Variants in GPC6 observed in about 807,000 individuals in gnomAD.
GPC6 encodes the protein glypican 6.
GPC6 carries 14 observed loss-of-function variants against 55.2 expected under a neutral mutation model. The observed-to-expected ratio is 0.25, with a 90% CI of 0.17 to 0.40. The LOEUF is 0.40. Ranked by LOEUF, GPC6 falls within the 10% of genes least tolerant of loss-of-function variation. The pLI, the probability that GPC6 is intolerant of heterozygous loss-of-function variation, is 1.00. For missense variants in GPC6, 641 were observed against 708.5 expected, an observed-to-expected ratio of 0.90 and a Z score of 1.08; for synonymous variants, 278 against 259.6, an observed-to-expected ratio of 1.07 and a Z score of -0.68.
intron 4 of GPC6, among the ~76,000 whole-genome samples, chr13:94,110,317 G>A (rs892772535): frequency 6.6e-6 from 1 of 152,074 alleles, no homozygotes; most frequent in Non-Finnish European, 1.5e-5. Context: ...GGAGAGGCAT[G>A]TAGAATTATG....
intron 2 of GPC6, among the ~76,000 whole-genome samples, chr13:93,554,183 A>T (rs1176359412): frequency 2.0e-5 from 3 of 151,910 alleles, no homozygotes; most frequent in Non-Finnish European, 4.4e-5. Context: ...TGACTTGAAC[A>T]TACACAGGAC....
chr13:93,467,514 G>T (rs1232983385), intron 1 of GPC6, among the ~76,000 whole-genome samples: 1 of 150,724 alleles, frequency 6.6e-6, no homozygotes, highest in Admixed American at 6.6e-5. Flanking sequence ...GAACAGTGTG[G>T]ATTGCTCCTG....
chr13:94,227,298 C>T (rs1377999066), intron 4 of GPC6, among the ~76,000 whole-genome samples: 4 of 152,114 alleles, frequency 2.6e-5, no homozygotes, highest in Admixed American at 6.5e-5. Flanking sequence ...AAAAGAAGAG[C>T]GTTAGTGTCT....
At chr13:94,087,915 G>A (rs552941585) in intron 4 of GPC6, among the ~76,000 whole-genome samples, 1 of 152,270 alleles carries the variant, frequency 6.6e-6, no homozygotes, top group Admixed American at 6.5e-5. Context: ...ATTTCTTTGT[G>A]GACATGGGTA....
Position 94,403,531 on chromosome 13 carries a change from C to T in GPC6, c.*314C>T, listed in dbSNP as rs948049505. 8 of 316,272 alleles carry T rather than the reference C, an allele frequency of 2.5e-5. No homozygotes were observed. The highest frequency in any genetic ancestry group is 1.7e-5 in the Non-Finnish European group (3 of 171,604). 19.6% of individuals were successfully genotyped at this position (316,272 alleles called of 1,614,324 possible). A position where few individuals can be genotyped will look rare whatever the true frequency, so the allele number is the denominator to read the frequency against. ...ATGCTGCAGAAGTAAAGGAATCTCA[C>T]GTTGTGAGGGTTTTTTTTTTCTCAT... On this transcript the variant is annotated 3_prime_UTR_variant, in exon 9 of 9. Coordinates refer to ENST00000377047, the MANE Select transcript of GPC6 (RefSeq NM_005708.5).
intron 2 of GPC6, among the ~76,000 whole-genome samples, chr13:93,676,119 A>T (rs1881588778): frequency 6.8e-5 from 1 of 14,622 alleles, no homozygotes; most frequent in African/African-American, 1.6e-4. Flanking sequence ...AAAAAAAAAA[A>T]AAAAAAAATA....
chr13:93,876,414 T>G (rs888366201), intron 3 of GPC6, among the ~76,000 whole-genome samples: 3 of 152,026 alleles, frequency 2.0e-5, no homozygotes, highest in Non-Finnish European at 4.4e-5. Flanking sequence ...CTAAATAAAC[T>G]AACATTTGAA....
intron 3 of GPC6, among the ~76,000 whole-genome samples, chr13:93,991,221 G>C (rs1881290261): frequency 6.6e-6 from 1 of 152,054 alleles, no homozygotes; most frequent in Non-Finnish European, 1.5e-5. Flanking sequence ...ATCATATGAT[G>C]AAATTATTAG....
chr13:93,310,147 G>T (rs748525913), intron 1 of GPC6, among the ~76,000 whole-genome samples: 1 of 152,144 alleles, frequency 6.6e-6, no homozygotes, highest in South Asian at 2.1e-4. Context: ...AGTCTTTCTT[G>T]TAAATGGTGA....
intron 1 of GPC6, among the ~76,000 whole-genome samples, chr13:93,442,313 T>C (rs1877835601): frequency 6.6e-6 from 1 of 152,066 alleles, no homozygotes; most frequent in African/African-American, 2.4e-5. Flanking sequence ...ACCAGTGAAA[T>C]TGCTACTGCA....
chr13:93,426,225 T>C, intron 1 of GPC6, among the ~76,000 whole-genome samples: 1 of 151,902 alleles, frequency 6.6e-6, no homozygotes, highest in East Asian at 1.9e-4. Flanking sequence ...TAAAAGTGTT[T>C]TTATTTTATT....
Position 93,947,377 on chromosome 13 carries a change from G to GA in GPC6, c.712-80344dup, listed in dbSNP as rs200611953. On this transcript the variant is annotated intron_variant, in intron 3 of 8. Transcript: ENST00000377047. Reference sequence around the variant, plus strand: ...CTGAAGTAGGACAAACCATCCATCGGAAAAAAAAGAGATGAATGGTAATAT... The same window carrying GA: ...CTGAAGTAGGACAAACCATCCATCGGAAAAAAAAAGAGATGAATGGTAATAT... Among the ~76,000 whole-genome samples the GA allele has an allele frequency of 7.2e-3, 1,092 of 151,168 alleles. 15 individuals are homozygous for GA. The highest frequency in any genetic ancestry group is 0.025 in the African/African-American group (1,037 of 41,228).
chr13:93,397,346 T>C (rs1875897320), intron 1 of GPC6, among the ~76,000 whole-genome samples: 1 of 152,176 alleles, frequency 6.6e-6, no homozygotes, highest in Non-Finnish European at 1.5e-5. Flanking sequence ...TATAGCCATC[T>C]AATAAGTGTA....
intron 3 of GPC6, among the ~76,000 whole-genome samples, chr13:93,859,557 A>G (rs1888740711): frequency 6.6e-6 from 1 of 151,706 alleles, no homozygotes; most frequent in Non-Finnish European, 1.5e-5. Flanking sequence ...CTCTTGTAGT[A>G]GTTCTATCTT....
intron 2 of GPC6, among the ~76,000 whole-genome samples, chr13:93,667,972 A>G (rs1196857955): frequency 6.6e-6 from 1 of 152,162 alleles, no homozygotes; most frequent in African/African-American, 2.4e-5. Context: ...GACTTGCATG[A>G]TAGACACCGT....
At chr13:93,551,314 A>C (rs1875148216) in intron 2 of GPC6, among the ~76,000 whole-genome samples, 1 of 152,154 alleles carries the variant, frequency 6.6e-6, no homozygotes, top group Non-Finnish European at 1.5e-5. Context: ...CTAACAAAAA[A>C]AAAAAAACAC....
chr13:93,616,830 C>T (rs535459717), intron 2 of GPC6, among the ~76,000 whole-genome samples: 2 of 152,132 alleles, frequency 1.3e-5, no homozygotes, highest in South Asian at 2.1e-4. Flanking sequence ...TTGACGTGCT[C>T]CTTTTTTTTG....
intron 4 of GPC6, among the ~76,000 whole-genome samples, chr13:94,029,752 A>G (rs761219557): frequency 1.3e-5 from 2 of 152,182 alleles, no homozygotes; most frequent in Non-Finnish European, 2.9e-5. Context: ...TTTAACTTGT[A>G]AGAGCAGCAG....
At chr13:94,184,648 C>T (rs796914270) in intron 4 of GPC6, among the ~76,000 whole-genome samples, 3 of 151,914 alleles carry the variant, frequency 2.0e-5, no homozygotes, top group African/African-American at 7.3e-5. Flanking sequence ...CAACAGATGC[C>T]GATTGGGCTG....
Sources: gnomAD v4.1 joint callset for allele counts (sites outside exome capture counted in the v4.1 genomes callset) on GRCh38, gnomAD v4.1.1 for gene constraint, MANE v1.5 for transcripts, NCBI Gene and HGNC (gene_info 2026-07-23, HGNC 2026-07-21) for gene names.